Variants in FUT8 observed in about 807,000 individuals in gnomAD.
FUT8 encodes the protein fucosyltransferase 8, also known as alpha-(1,6)-fucosyltransferase.
A neutral mutation model predicts 71.3 loss-of-function variants in FUT8; 29 were observed. The observed-to-expected ratio is 0.41, with a 90% confidence interval of 0.30 to 0.55. The LOEUF is 0.55. Among genes scored for constraint, FUT8 ranks in the 20% least tolerant of loss-of-function variants. FUT8 has a pLI of 0.34. For missense variants in FUT8, 544 were observed against 702.1 expected, an observed-to-expected ratio of 0.77 and a Z score of 2.55; for synonymous variants, 254 against 239.3, an observed-to-expected ratio of 1.06 and a Z score of -0.57.
chr14:65,566,576 T>C (rs547268988), intron 3 of FUT8, among the ~76,000 whole-genome samples: 94 of 152,118 alleles, frequency 6.2e-4, no homozygotes, highest in African/African-American at 2.1e-3. Context: ...ATTTAGATTT[T>C]CAGGTGGATT....
intron 2 of FUT8, among the ~76,000 whole-genome samples, chr14:65,549,626 A>C (rs1272970678): frequency 1.3e-5 from 2 of 152,238 alleles, no homozygotes; most frequent in Non-Finnish European, 2.9e-5. Flanking sequence ...AACTGGCCCC[A>C]AAACGGATAT....
chr14:65,741,954 T>C (rs1290032699), intron 10 of FUT8, 139 bp from the exon 11 acceptor site: 1 of 637,110 alleles, frequency 1.6e-6, no homozygotes, highest in Admixed American at 2.8e-5. Context: ...TGAGAACAAA[T>C]GGACTGAAAG....
intron 7 of FUT8, among the ~76,000 whole-genome samples, chr14:65,678,860 C>A (rs553342851): frequency 1.1e-3 from 161 of 152,242 alleles, no homozygotes; most frequent in African/African-American, 3.8e-3. Context: ...GAGAAAACAT[C>A]CCTTTGGTAT....
At chr14:65,673,952 G>T (rs1892595523) in intron 7 of FUT8, among the ~76,000 whole-genome samples, 1 of 152,100 alleles carries the variant, frequency 6.6e-6, no homozygotes, top group Non-Finnish European at 1.5e-5. Context: ...TATACTTTCA[G>T]TCTTTCCTTT....
intron 2 of FUT8, among the ~76,000 whole-genome samples, chr14:65,512,606 T>G (rs1882421983): frequency 6.6e-6 from 1 of 152,120 alleles, no homozygotes. Context: ...AGGTTTGATT[T>G]TTGTTTGAAA....
At chr14:65,494,653 G>A (rs753368069) in intron 2 of FUT8, among the ~76,000 whole-genome samples, 3 of 151,888 alleles carry the variant, frequency 2.0e-5, no homozygotes, top group South Asian at 4.2e-4. Context: ...GTGCAGGTTC[G>A]TTGCATAAGT....
At chr14:65,604,441 C>T (rs1387937066) in intron 3 of FUT8, among the ~76,000 whole-genome samples, 1 of 151,822 alleles carries the variant, frequency 6.6e-6, no homozygotes, top group Non-Finnish European at 1.5e-5. Flanking sequence ...AAATCAACTC[C>T]AAAGGAACCT....
At chr14:65,364,728 C>T in the FUT8 span, among the ~76,000 whole-genome samples, 5 of 152,168 alleles carry the variant, frequency 3.3e-5, no homozygotes, top group African/African-American at 1.2e-4. Context: ...CAGAGTATGA[C>T]AGGACCACAC....
chr14:65,512,890 AGAGT>A (rs911879100), intron 2 of FUT8, among the ~76,000 whole-genome samples: 2 of 142,898 alleles, frequency 1.4e-5, no homozygotes, highest in African/African-American at 5.4e-5. Context: ...CCTGGGCGAC[AGAGT>A]GAGACTCTGT....
chr14:65,713,531 G>A (rs1018966359), intron 7 of FUT8, among the ~76,000 whole-genome samples: 1 of 152,016 alleles, frequency 6.6e-6, no homozygotes, highest in Non-Finnish European at 1.5e-5. Context: ...AGTGTATGAG[G>A]GTTCCCTTTT....
rs182982605 is a variant in FUT8 at position 65,469,728 on chromosome 14, A to G, written c.-228+14010A>G. ...GGCTCCTCTCTGCAGGCAGGTCCCC[A>G]TTGACTTCCCAGCTCTCAGCAGAGA... On this transcript the variant is annotated intron_variant, in intron 2 of 10. Coordinates refer to ENST00000673929, the MANE Select transcript of FUT8 (RefSeq NM_001371533.1). Among the ~76,000 whole-genome samples the G allele has an allele frequency of 8.8e-3, 1,340 of 152,234 alleles. 6 individuals carry two copies. The highest frequency in any genetic ancestry group is 0.014 in the Non-Finnish European group (920 of 67,998).
intron 2 of FUT8, among the ~76,000 whole-genome samples, chr14:65,526,186 T>G (rs2139885266): frequency 6.6e-6 from 1 of 152,326 alleles, no homozygotes; most frequent in East Asian, 1.9e-4. Flanking sequence ...ATTATTATTG[T>G]GTGAGAGTCT....
upstream of FUT8, among the ~76,000 whole-genome samples, chr14:65,409,492 T>C (rs2065101906): frequency 1.3e-5 from 2 of 152,250 alleles, no homozygotes; most frequent in Non-Finnish European, 2.9e-5. The surrounding 1 kb of genome is among the most constrained non-coding windows in gnomAD (Gnocchi z 5.4). Context: ...TGCTCAGCAC[T>C]ATTACACTTT....
chr14:65,678,937 G>A (rs935205195), intron 7 of FUT8, among the ~76,000 whole-genome samples: 4 of 152,112 alleles, frequency 2.6e-5, no homozygotes, highest in Non-Finnish European at 5.9e-5. Context: ...AACCAAAAAC[G>A]TAGTATTGAA....
At chr14:65,576,348 T>G (rs938454271) in intron 3 of FUT8, among the ~76,000 whole-genome samples, 5 of 152,218 alleles carry the variant, frequency 3.3e-5, no homozygotes, top group African/African-American at 1.2e-4. Flanking sequence ...AAAAGTTGAC[T>G]AACAAGGTTT....
intron 6 of FUT8, among the ~76,000 whole-genome samples, chr14:65,659,959 A>G (rs1352359910): frequency 6.6e-6 from 1 of 152,198 alleles, no homozygotes; most frequent in Non-Finnish European, 1.5e-5. Flanking sequence ...GAATTAGGGT[A>G]TAAACTTACA....
At chr14:65,427,661 G>T (rs746685368) in intron 1 of FUT8, among the ~76,000 whole-genome samples, 42 of 152,048 alleles carry the variant, frequency 2.8e-4, no homozygotes, top group Middle Eastern at 3.4e-3. Flanking sequence ...CTTATATACC[G>T]AATTCCTTCT....
intron 1 of FUT8, 108 bp from the exon 2 acceptor site, chr14:65,455,513 T>C (rs7141326): frequency 0.063 from 24,847 of 392,892 alleles, 2,029 homozygotes; most frequent in East Asian, 0.28. Flanking sequence ...AATTTGCATG[T>C]TATGACTGGC....
chr14:65,545,616 TAATAATG>T (rs915002127), intron 2 of FUT8, among the ~76,000 whole-genome samples: 1 of 151,846 alleles, frequency 6.6e-6, no homozygotes, highest in Non-Finnish European at 1.5e-5. Context: ...AAACACTTTG[TAATAATG>T]ATTTTGGTTT....
Sources: allele counts gnomAD v4.1 joint callset (sites outside exome capture counted in the v4.1 genomes callset), GRCh38; gene constraint gnomAD v4.1.1; non-coding constraint Gnocchi (gnomAD v3.1); transcripts MANE v1.5; gene names NCBI Gene and HGNC (gene_info 2026-07-23, HGNC 2026-07-21).